The following UBE3B variants were observed in gnomAD, a reference collection of about 807,000 sequenced individuals.
The protein encoded by UBE3B is ubiquitin protein ligase E3B, also known as ubiquitin-protein ligase E3B.
UBE3B carries 80 observed loss-of-function variants against 132.3 expected under a neutral mutation model. The observed-to-expected ratio is 0.60, with a 90% CI of 0.50 to 0.73. The LOEUF (loss-of-function observed/expected upper bound fraction) is 0.73, where lower values mean the gene tolerates loss of function less well. Ranked by LOEUF, UBE3B falls within the 30% of genes least tolerant of loss-of-function variation. The pLI is 0.00. For synonymous variants in UBE3B, 487 were observed against 520.4 expected (o/e 0.94, Z 0.87); for missense variants, 1,196 against 1,362.5 (o/e 0.88, Z 1.92).
intron 19 of UBE3B, among the ~76,000 whole-genome samples, chr12:109,518,740 C>T (rs1358380722): frequency 6.6e-6 from 1 of 152,222 alleles, no homozygotes; most frequent in Non-Finnish European, 1.5e-5. Flanking sequence ...ATCCCAGTTA[C>T]TCTGGCCCTA....
intron 27 of UBE3B, chr12:109,533,887 T>A: frequency 7.5e-7 from 1 of 1,330,190 alleles, no homozygotes; most frequent in South Asian, 1.2e-5. Context: ...TGGGAGAAAG[T>A]GAGAGAGTGG....
intron 8 of UBE3B, chr12:109,490,286 C>T (rs79995789): frequency 2.6e-6 from 3 of 1,175,344 alleles, no homozygotes; most frequent in African/African-American, 3.1e-5. Context: ...GACCTCAGGG[C>T]TTGTTCCCTC....
chr12:109,520,802 G>T, intron 19 of UBE3B: 1 of 179,276 alleles, frequency 5.6e-6, no homozygotes. Context: ...TCTTAGCATT[G>T]AGAGAGAGAG....
intron 19 of UBE3B, chr12:109,520,039 A>G (rs1362891169): frequency 2.0e-5 from 3 of 152,280 alleles, no homozygotes; most frequent in Non-Finnish European, 4.4e-5. Flanking sequence ...GATGCTGTGG[A>G]GACAGCCTGT....
chr12:109,516,675 A>C (rs1459264106), intron 18 of UBE3B, 90 bp from the exon 19 acceptor site: 6 of 1,555,918 alleles, frequency 3.9e-6, no homozygotes, highest in Non-Finnish European at 5.2e-6. Flanking sequence ...CATCTCATCT[A>C]ACTTCAGTTT....
chr12:109,524,251 G>T (rs1359010379), intron 22 of UBE3B, 136 bp downstream of exon 22: 6 of 1,397,850 alleles, frequency 4.3e-6, no homozygotes, highest in Non-Finnish European at 4.9e-6. Context: ...TCCCCCTGTG[G>T]GCAGTCCCAC....
intron 17 of UBE3B, 61 bp downstream of exon 17, chr12:109,510,519 G>A: frequency 1.5e-6 from 2 of 1,360,822 alleles, no homozygotes; most frequent in Non-Finnish European, 1.0e-6. Context: ...CGCTGCCCGA[G>A]CACTCAGCTC....
At chr12:109,479,714 A>G (rs1875028359) in intron 1 of UBE3B, among the ~76,000 whole-genome samples, 2 of 152,348 alleles carry the variant, frequency 1.3e-5, no homozygotes, top group Admixed American at 1.3e-4. Context: ...CTATTATATG[A>G]TATGAACAGA....
chr12:109,513,572 T>C (rs1203325390), intron 18 of UBE3B, among the ~76,000 whole-genome samples: 1 of 152,186 alleles, frequency 6.6e-6, no homozygotes, highest in East Asian at 1.9e-4. Context: ...TCTTTTGGCC[T>C]AGGAGTACCA....
Position 109,521,097 on chromosome 12 carries a change from T to C in UBE3B, c.2077-51T>C. On this transcript the variant is annotated intron_variant, in intron 19 of 27. Coordinates refer to ENST00000342494, the MANE Select transcript of UBE3B (RefSeq NM_130466.4). The surrounding 1 kb of genome is among the most constrained non-coding windows in gnomAD (Gnocchi z 4.2). ...ACAGAGGAGAGGGAACCCCGAATTG[T>C]GTGCATAAGGCTTTGGGCTTCCTAA... is the stretch of plus-strand genomic sequence containing the variant. 6.3e-7 allele frequency: 1 copy of C among 1,593,848 alleles called. No homozygotes were observed. The highest frequency in any genetic ancestry group is 1.1e-5 in the South Asian group (1 of 89,910).
chr12:109,512,377 A>G (rs1054591593), intron 18 of UBE3B, among the ~76,000 whole-genome samples: 7 of 152,084 alleles, frequency 4.6e-5, no homozygotes, highest in African/African-American at 1.7e-4. Context: ...AGAGTGCCAC[A>G]CACCCGGGGG....
chr12:109,538,900 G>C (rs1215953794), downstream of UBE3B, among the ~76,000 whole-genome samples: 2 of 152,152 alleles, frequency 1.3e-5, no homozygotes, highest in African/African-American at 4.8e-5. This position sits in a 1 kb window ranked among gnomAD's most constrained non-coding sequence, Gnocchi z 4.1. Flanking sequence ...ACCTCACTGT[G>C]CCCCCTACAC....
At chr12:109,520,945 C>T in intron 19 of UBE3B, 1 of 555,532 alleles carries the variant, frequency 1.8e-6, no homozygotes, top group Non-Finnish European at 3.1e-6. Context: ...AGGAGTGATA[C>T]TGTCACATCC....
At chr12:109,533,288 A>C (rs1261456483) in intron 26 of UBE3B, among the ~76,000 whole-genome samples, 178 bp from the exon 27 acceptor site, 1 of 151,870 alleles carries the variant, frequency 6.6e-6, no homozygotes, top group African/African-American at 2.4e-5. Flanking sequence ...CCCTTGAGAG[A>C]GATGTACGGC....
intron 19 of UBE3B, chr12:109,520,742 G>GA (rs1302155450): frequency 9.5e-6 from 1 of 105,454 alleles, no homozygotes; most frequent in Non-Finnish European, 1.9e-5. Context: ...CTGTAGGTTT[G>GA]ATTTTTTTTT....
Position 109,484,116 on chromosome 12 carries a change from T to C in UBE3B, c.282+135T>C, listed in dbSNP as rs557130006. On this transcript the variant is annotated intron_variant, in intron 4 of 27. Coordinates refer to ENST00000342494, the MANE Select transcript of UBE3B (RefSeq NM_130466.4). ...CTCACATCCTGTCCCTTTTGTTTTC[T>C]TGGGACCTGTTTTGGAGGGATTATG... 2.0e-5 allele frequency: 19 copies of C among 969,462 alleles called. No homozygotes were observed. In the East Asian group the frequency reaches 5.1e-4, roughly 26 times the overall value. The allele number at this position is 969,462 out of a possible 1,614,324, so 60.1% of individuals were successfully genotyped here.
chr12:109,490,327 T>C (rs1431504104), intron 8 of UBE3B: 22 of 1,386,342 alleles, frequency 1.6e-5, no homozygotes, highest in Non-Finnish European at 2.1e-5. Context: ...TCTAGAATCA[T>C]ATTTCTAGCT....
downstream of UBE3B, among the ~76,000 whole-genome samples, chr12:109,538,697 C>G (rs1592986063): frequency 6.6e-6 from 1 of 152,308 alleles, no homozygotes; most frequent in East Asian, 1.9e-4. The surrounding 1 kb of genome is among the most constrained non-coding windows in gnomAD (Gnocchi z 4.1). Context: ...TGCTGATGAT[C>G]CCAGCAGGGT....
At chr12:109,486,093 T>G in intron 5 of UBE3B, 22 bp downstream of exon 5, 1 of 1,556,364 alleles carries the variant, frequency 6.4e-7, no homozygotes. Flanking sequence ...GGAGCCGCAG[T>G]GTCTCCCACA....
Sources: gnomAD v4.1 joint callset for allele counts (sites outside exome capture counted in the v4.1 genomes callset) on GRCh38, gnomAD v4.1.1 for gene constraint, Gnocchi (gnomAD v3.1) non-coding constraint, MANE v1.5 for transcripts, NCBI Gene and HGNC (gene_info 2026-07-23, HGNC 2026-07-21) for gene names.